Variants in WNK2 observed in about 807,000 individuals in gnomAD.
WNK2 encodes WNK lysine deficient protein kinase 2.
Under a neutral mutation model 192.1 loss-of-function variants are expected in WNK2, and 67 were observed. The observed-to-expected ratio is 0.35, with a 90% CI of 0.29 to 0.43. The LOEUF is 0.43. WNK2 is among the 20% of genes least tolerant of loss of function. The pLI is 1.00. For missense variants in WNK2, 2,698 were observed against 3,089.7 expected, an observed-to-expected ratio of 0.87 and a Z score of 3.01; for synonymous variants, 1,439 against 1,393.9, an observed-to-expected ratio of 1.03 and a Z score of -0.72.
At chr9:93,306,884 G>A (rs1015824291) in intron 27 of WNK2, 63 bp downstream of exon 27, 30 of 1,608,780 alleles carry the variant, frequency 1.9e-5, no homozygotes, top group South Asian at 3.3e-5. Flanking sequence ...CGTGGCTAGC[G>A]CACATCAGGG....
intron 3 of WNK2, among the ~76,000 whole-genome samples, chr9:93,230,116 A>G (rs1287507697): frequency 1.3e-5 from 2 of 152,070 alleles, no homozygotes; most frequent in African/African-American, 4.8e-5. Flanking sequence ...AGCCCGGCAC[A>G]TACTCAGGCT....
intron 2 of WNK2, among the ~76,000 whole-genome samples, chr9:93,196,104 G>A (rs1831230948): frequency 1.3e-5 from 2 of 152,184 alleles, no homozygotes; most frequent in Admixed American, 1.3e-4. Flanking sequence ...GAGGGGGAAG[G>A]TGTTGGGCCA....
At chr9:93,243,653 C>T (rs1564071281) in intron 7 of WNK2, among the ~76,000 whole-genome samples, 2 of 152,216 alleles carry the variant, frequency 1.3e-5, no homozygotes, top group African/African-American at 2.4e-5. Flanking sequence ...AAGCAACATA[C>T]TCCTACCTTG....
chr9:93,254,327 C>G (rs1047841020), intron 9 of WNK2, among the ~76,000 whole-genome samples: 4 of 152,248 alleles, frequency 2.6e-5, no homozygotes, highest in African/African-American at 9.6e-5. Flanking sequence ...TCCTTCTTCC[C>G]TCGTGAGCAG....
At chr9:93,196,575 A>G (rs934453841) in intron 2 of WNK2, among the ~76,000 whole-genome samples, 3 of 152,212 alleles carry the variant, frequency 2.0e-5, no homozygotes, top group African/African-American at 7.2e-5. Context: ...GTGGGGGCCA[A>G]GCAGCCAGAA....
chr9:93,290,328 T>C (rs1300807617), intron 21 of WNK2, among the ~76,000 whole-genome samples: 2 of 151,564 alleles, frequency 1.3e-5, no homozygotes, highest in South Asian at 4.2e-4. Context: ...AAGCTTCTTA[T>C]GAGCTTTTTT....
intron 9 of WNK2, 106 bp from the exon 10 acceptor site, chr9:93,256,193 G>A (rs1283139585): frequency 2.3e-6 from 3 of 1,309,716 alleles, no homozygotes; most frequent in Non-Finnish European, 9.9e-7. Flanking sequence ...GAGGGACCCT[G>A]GTAGGGACCA....
intron 9 of WNK2, among the ~76,000 whole-genome samples, chr9:93,253,501 A>T (rs1842871893): frequency 6.6e-6 from 1 of 152,108 alleles, no homozygotes; most frequent in Non-Finnish European, 1.5e-5. Context: ...TGGGCCTGGG[A>T]CATTATCCCA....
chr9:93,259,595 C>G lies in WNK2; in HGVS notation c.3047C>G (p.Ala1016Gly). Residue 1016 changes from alanine to glycine, a missense_variant, in exon 12 of 30, where the codon GCT (alanine) becomes GGT (glycine). Coordinates refer to ENST00000427277, the MANE Select transcript of WNK2 (RefSeq NM_006648.4). This position sits in a 1 kb window ranked among gnomAD's most constrained non-coding sequence, Gnocchi z 4.8. ...CACCTTCCTGAACAAGCTGCTCCAG[C>G]TGCTACACCAGGGAGCCAGGTAATC... ...QPHLPEQAAP[A>G]ATPGSQILLG... 6.3e-7 allele frequency: 1 copy of G among 1,590,982 alleles called. No individual in the cohort carries two copies. The highest frequency in any genetic ancestry group is 8.5e-7 in the Non-Finnish European group (1 of 1,175,914).
chr9:93,252,772 A>G (rs1399024622), intron 8 of WNK2, 111 bp from the exon 9 acceptor site: 20 of 1,027,404 alleles, frequency 1.9e-5, no homozygotes, highest in Non-Finnish European at 2.4e-5. Flanking sequence ...TATTTATGTG[A>G]TCTGGAGAAA....
At chr9:93,262,246 C>T in intron 13 of WNK2, 139 bp downstream of exon 13, 1 of 1,054,078 alleles carries the variant, frequency 9.5e-7, no homozygotes, top group South Asian at 1.7e-5. Flanking sequence ...GTTCTCACCT[C>T]TCCCTAGATT....
chr9:93,246,572 C>G (rs1174822611), intron 7 of WNK2, among the ~76,000 whole-genome samples: 1 of 152,224 alleles, frequency 6.6e-6, no homozygotes, highest in Non-Finnish European at 1.5e-5. Flanking sequence ...ACCTGAGGAG[C>G]CTGGCGTCCA....
chr9:93,262,641 G>A (rs775564531), intron 13 of WNK2, 29 bp from the exon 14 acceptor site: 8 of 1,612,302 alleles, frequency 5.0e-6, no homozygotes, highest in Middle Eastern at 1.6e-4. Flanking sequence ...CGCATGACCT[G>A]TTCTCTTTTC....
chr9:93,241,624 G>A (rs1482132578), intron 7 of WNK2, among the ~76,000 whole-genome samples: 1 of 152,166 alleles, frequency 6.6e-6, no homozygotes, highest in Non-Finnish European at 1.5e-5. Context: ...TTCCTGCGGA[G>A]GTCTGACTCG....
chr9:93,264,086 G>T (rs1038872875), intron 16 of WNK2, 53 bp downstream of exon 16: 2 of 1,377,664 alleles, frequency 1.5e-6, no homozygotes, highest in Admixed American at 3.7e-5. Flanking sequence ...ACACGTGTGG[G>T]CCTGAGCAGA....
rs1005202997 is a variant in WNK2 at position 93,193,754 on chromosome 9, A to G, written c.681+8144A>G. 2.7e-4 allele frequency among the ~76,000 whole-genome samples: 41 copies of G among 152,188 alleles called. 1 individual carries two copies. Among genetic ancestry groups the G allele is most frequent in the Admixed American group, 1.3e-4 (2 of 15,290 alleles). On this transcript the variant is annotated intron_variant, in intron 2 of 29. Coordinates refer to ENST00000427277, the MANE Select transcript of WNK2 (RefSeq NM_006648.4). ...CTGCTTCTGAGAGTTTTCACATCCA[A>G]TTCTCTTCCCTGGAGCATTGAATTC...
intron 12 of WNK2, among the ~76,000 whole-genome samples, chr9:93,260,771 G>T (rs1390963479): frequency 2.0e-5 from 3 of 152,216 alleles, no homozygotes; most frequent in African/African-American, 7.2e-5. Context: ...GCCCACCCGA[G>T]TAAGTGCTGT....
chr9:93,274,833 G>A (rs1846541278), intron 19 of WNK2, among the ~76,000 whole-genome samples: 1 of 152,114 alleles, frequency 6.6e-6, no homozygotes, highest in African/African-American at 2.4e-5. Flanking sequence ...GGTGAACTCT[G>A]CCAGACATTT....
At chr9:93,296,542 A>C (rs1402022029) in intron 23 of WNK2, among the ~76,000 whole-genome samples, 2 of 12,280 alleles carry the variant, frequency 1.6e-4, no homozygotes, top group Non-Finnish European at 1.4e-4. Flanking sequence ...TCCCCTCTCC[A>C]TGCTCCCCTC....
Sources: gnomAD v4.1 joint callset for allele counts (sites outside exome capture counted in the v4.1 genomes callset) on GRCh38, gnomAD v4.1.1 for gene constraint, Gnocchi (gnomAD v3.1) non-coding constraint, MANE v1.5 for transcripts, NCBI Gene and HGNC (gene_info 2026-07-23, HGNC 2026-07-21) for gene names.